SMARCD3: variants seen among roughly 807,000 people sequenced by gnomAD.
SMARCD3 encodes the protein SWI/SNF related BAF chromatin remodeling complex subunit D3.
Under a neutral mutation model 58.0 loss-of-function variants are expected in SMARCD3, and 14 were observed. The ratio of observed to expected loss-of-function variants is 0.24; its 90% CI spans 0.16 to 0.38. SMARCD3 has a LOEUF of 0.38. Ranked by LOEUF, SMARCD3 falls within the 10% of genes least tolerant of loss-of-function variation. The probability of loss-of-function intolerance (pLI) is 1.00; values close to 1 mark genes in which losing one functional copy is unlikely to be tolerated. For synonymous variants in SMARCD3, 253 were observed against 253.8 expected, an observed-to-expected ratio of 1.00 and a Z score of 0.03; for missense variants, 408 against 636.9, an observed-to-expected ratio of 0.64 and a Z score of 3.87.
At chr7:151,265,514 C>T (rs1427306143) in intron 2 of SMARCD3, among the ~76,000 whole-genome samples, 1 of 152,216 alleles carries the variant, frequency 6.6e-6, no homozygotes, top group Non-Finnish European at 1.5e-5. Flanking sequence ...CCAACACCCC[C>T]ACAGCTCTGC....
rs13237152 is a variant in SMARCD3 at position 151,243,507 on chromosome 7, C to G, written c.333+152G>C. The G allele has an allele frequency of 2.6e-5, 17 of 652,018 alleles. No individual in the cohort carries two copies. Among genetic ancestry groups the G allele is most frequent in the Non-Finnish European group, 4.2e-5 (15 of 361,166 alleles). The allele number at this position is 652,018 out of a possible 1,614,324, so 40.4% of individuals were successfully genotyped here. On this transcript the variant is annotated intron_variant, in intron 3 of 12. Transcript: ENST00000262188. This position sits in a 1 kb window ranked among gnomAD's most constrained non-coding sequence, Gnocchi z 4.4. ...TGCTTCCCTCCACCTCACCCCCTCC[C>G]TCTGGCCTGCGGAGCCTCACTTATT...
intron 2 of SMARCD3, among the ~76,000 whole-genome samples, chr7:151,268,039 C>A (rs960379645): frequency 3.3e-5 from 5 of 152,118 alleles, no homozygotes; most frequent in African/African-American, 9.7e-5. Context: ...AAACTGGGGG[C>A]CCTGAGTTCT....
intron 2 of SMARCD3, among the ~76,000 whole-genome samples, chr7:151,258,665 G>A (rs1337697449): frequency 6.6e-6 from 1 of 151,970 alleles, no homozygotes; most frequent in African/African-American, 2.4e-5. Flanking sequence ...CCGAGCAAGG[G>A]CCAAGGTCCT....
chr7:151,253,575 G>A (rs1803598233), upstream of SMARCD3, among the ~76,000 whole-genome samples: 1 of 43,910 alleles, frequency 2.3e-5, no homozygotes, highest in Non-Finnish European at 4.2e-5. Context: ...AACTGCTGGT[G>A]GCAGGAGAGC....
rs1185075464 is a variant in SMARCD3, at chr7:151,239,516, T to A, written c.1297-19A>T. 6.2e-7 allele frequency: 1 copy of A among 1,609,148 alleles called. No homozygotes were observed. Among genetic ancestry groups the A allele is most frequent in the African/African-American group, 1.3e-5 (1 of 74,790 alleles). On this transcript the variant is annotated intron_variant, in intron 11 of 12. Transcript: ENST00000262188. The surrounding 1 kb of genome is among the most constrained non-coding windows in gnomAD (Gnocchi z 7.0). ...TCATCACCTGGGAGGGAGCGTGGGG[T>A]GAGCCCTGAGCCCTGAATCCCCTCA...
At chr7:151,252,995 G>C (rs1270086124), upstream of SMARCD3, among the ~76,000 whole-genome samples, 1 of 152,194 alleles carries the variant, frequency 6.6e-6, no homozygotes, top group Non-Finnish European at 1.5e-5. Flanking sequence ...ATAATGGTGC[G>C]ACCTTGGGCA....
rs377295749 is a variant in SMARCD3 at position 151,242,502 on chromosome 7, C to T, written c.558G>A (p.Val186=). 18 of 1,613,808 alleles carry T rather than the reference C, an allele frequency of 1.1e-5. No homozygotes were observed. In the African/African-American group the frequency reaches 1.9e-4, roughly 17 times the overall value. The change falls in exon 5 of 13, where the codon GTG becomes GTA. Residue 186 remains valine (V), a synonymous_variant. Coordinates refer to ENST00000262188, the MANE Select transcript of SMARCD3 (RefSeq NM_001003801.2). This position sits in a 1 kb window ranked among gnomAD's most constrained non-coding sequence, Gnocchi z 4.7. ...GTACATCATCCAGGAGCTTCCCCTC[C>T]ACCCGTAGCTCCCAGGAGGCAATGC... is the stretch of plus-strand genomic sequence containing the variant. ...DGSIASWELR[V]EGKLLDDPSK... is the part of the protein sequence containing the mutation.
chr7:151,265,109 C>CA (rs1804041501), intron 2 of SMARCD3, among the ~76,000 whole-genome samples: 2 of 152,222 alleles, frequency 1.3e-5, no homozygotes, highest in Non-Finnish European at 2.9e-5. Context: ...ATGGGTTGAA[C>CA]TGTGTCCCCC....
In SMARCD3 at chr7:151,248,208, C is replaced by T. The variant is rs561149565; in HGVS notation, c.78+277G>A. On this transcript the variant is annotated intron_variant, in intron 1 of 12. Coordinates refer to ENST00000262188, the MANE Select transcript of SMARCD3 (RefSeq NM_001003801.2). This position sits in a 1 kb window ranked among gnomAD's most constrained non-coding sequence, Gnocchi z 6.1. ...AACCTGTCGGCTACAGCGAGGACCC[C>T]CTACTTGGGGGGTAGAGTCCCCAAG... Among the ~76,000 whole-genome samples the T allele has an allele frequency of 6.6e-6, 1 of 152,160 alleles. No individual in the cohort carries two copies. The highest frequency in any genetic ancestry group is 2.1e-4 in the South Asian group (1 of 4,820).
At position 151,239,310 on chromosome 7, in the gene SMARCD3, G is replaced by T; in HGVS notation, c.1398+86C>A. ...GCGTGGTGAAGCTTTACTGTGGGGA[G>T]CTGCGAGGGCTGCCCACAAGCTGAA... is the stretch of plus-strand genomic sequence containing the variant. On this transcript the variant is annotated intron_variant, in intron 12 of 12. Transcript: ENST00000262188. This position sits in a 1 kb window ranked among gnomAD's most constrained non-coding sequence, Gnocchi z 7.0. 1 of 1,327,734 alleles carries T rather than the reference G, an allele frequency of 7.5e-7. No individual in the cohort carries two copies. Among genetic ancestry groups the T allele is most frequent in the Non-Finnish European group, 1.1e-6 (1 of 922,112 alleles). The allele number at this position is 1,327,734 out of a possible 1,614,324, so 82.2% of individuals were successfully genotyped here.
chr7:151,255,683 C>T (rs1206665987), intron 2 of SMARCD3, among the ~76,000 whole-genome samples: 3 of 152,166 alleles, frequency 2.0e-5, no homozygotes, highest in South Asian at 4.1e-4. Flanking sequence ...CGCTGACCAC[C>T]GTCTCCTCTT....
chr7:151,259,150 G>A (rs553155211), intron 2 of SMARCD3, among the ~76,000 whole-genome samples: 6 of 151,860 alleles, frequency 4.0e-5, no homozygotes, highest in Admixed American at 2.6e-4. Flanking sequence ...TCAGGAGTTC[G>A]AGACCAGCCT....
At chr7:151,256,791 G>A (rs139483727) in intron 2 of SMARCD3, among the ~76,000 whole-genome samples, 85 of 152,082 alleles carry the variant, frequency 5.6e-4, no homozygotes, top group African/African-American at 1.9e-3. Context: ...AGAAGCTTCC[G>A]AAGAACTTCC....
chr7:151,275,191 C>T, exon 2 of SMARCD3: 1 of 1,592,476 alleles, frequency 6.3e-7, no homozygotes, highest in Non-Finnish European at 8.6e-7. Flanking sequence ...CATCCAGTGC[C>T]CCCTCGGTGC....
upstream of SMARCD3, chr7:151,248,697 G>A (rs1803397754): frequency 8.6e-6 from 12 of 1,388,268 alleles, no homozygotes; most frequent in Admixed American, 2.1e-4. This position sits in a 1 kb window ranked among gnomAD's most constrained non-coding sequence, Gnocchi z 6.1. Flanking sequence ...AGCGGAGTGG[G>A]GAGGGGGCCC....
chr7:151,256,679 C>T (rs1057207107), intron 2 of SMARCD3, among the ~76,000 whole-genome samples: 1 of 152,148 alleles, frequency 6.6e-6, no homozygotes, highest in Non-Finnish European at 1.5e-5. Context: ...CTCCCACACC[C>T]CGACAGGAGT....
chr7:151,244,587 T>C (rs945717764), intron 2 of SMARCD3, among the ~76,000 whole-genome samples: 16 of 152,322 alleles, frequency 1.1e-4, no homozygotes, highest in African/African-American at 3.6e-4. Flanking sequence ...AGATTATCTA[T>C]GTGTAACTCT....
In SMARCD3 at chr7:151,245,462, GC is replaced by G; in HGVS notation, c.287del (p.Arg96ProfsTer52). The part of the protein sequence containing the change: ...QPVPTAPARS[R>X]SAKRRKMADK... ...TCCTCGCCGGGCCTCCCACTCACCTGCGGCTCCGCGCGGGGGCGGTGGGCAC... is the reference window on the plus strand; with the variant it reads ...TCCTCGCCGGGCCTCCCACTCACCTGGGCTCCGCGCGGGGGCGGTGGGCAC... On this transcript the variant is annotated frameshift_variant, in exon 2 of 13. Transcript: ENST00000262188. LOFTEE classifies it high-confidence loss of function. This position sits in a 1 kb window ranked among gnomAD's most constrained non-coding sequence, Gnocchi z 6.2. 1 of 1,212,878 alleles carries G rather than the reference GC, an allele frequency of 8.2e-7. No homozygotes were observed. The highest frequency in any genetic ancestry group is 1.0e-6 in the Non-Finnish European group (1 of 972,302). 75.1% of individuals were successfully genotyped at this position (1,212,878 alleles called of 1,614,324 possible).
chr7:151,272,333 C>A (rs1795200507), intron 2 of SMARCD3, among the ~76,000 whole-genome samples: 1 of 152,146 alleles, frequency 6.6e-6, no homozygotes, highest in Admixed American at 6.5e-5. Flanking sequence ...ACATCCTAGG[C>A]AACACCATGT....
Sources: allele counts gnomAD v4.1 joint callset (sites outside exome capture counted in the v4.1 genomes callset), GRCh38; gene constraint gnomAD v4.1.1; non-coding constraint Gnocchi (gnomAD v3.1); transcripts MANE v1.5; gene names NCBI Gene and HGNC (gene_info 2026-07-23, HGNC 2026-07-21).